The following LRIG1 variants were observed in gnomAD, a reference collection of about 807,000 sequenced individuals.
LRIG1 encodes the protein leucine-rich repeats and immunoglobulin-like domains protein 1.
LRIG1 carries 48 observed loss-of-function variants against 99.2 expected under a neutral mutation model. The ratio of observed to expected loss-of-function variants is 0.48; its 90% CI spans 0.38 to 0.62. LRIG1 has a LOEUF of 0.62. Among genes scored for constraint, LRIG1 ranks in the 20% least tolerant of loss-of-function variants. The pLI, the probability that LRIG1 is intolerant of heterozygous loss-of-function variation, is 0.00. For synonymous variants in LRIG1, 772 were observed against 596.1 expected (o/e 1.29, Z -4.30); for missense variants, 1,646 against 1,434.4 (o/e 1.15, Z -2.38).
intron 5 of LRIG1, among the ~76,000 whole-genome samples, chr3:66,413,526 T>C (rs1702533176): frequency 6.6e-6 from 1 of 152,154 alleles, no homozygotes; most frequent in Non-Finnish European, 1.5e-5. Context: ...GGAGAGAAGT[T>C]ACTGCACATG....
Position 66,500,362 on chromosome 3 carries a change from G to T in LRIG1, c.46C>A (p.Pro16Thr). The part of the protein sequence containing the change: ...RGGLGAPRRS[P>T]CLLLLWLLLL... Reference sequence around the variant, plus strand: ...AGCAGCCAGAGAAGGAGAAGGCAAGGCGAGCGGCGCGGGGCCCCGAGCCCT... The same window carrying T: ...AGCAGCCAGAGAAGGAGAAGGCAAGTCGAGCGGCGCGGGGCCCCGAGCCCT... Residue 16 changes from proline (P) to threonine (T), a missense_variant, in exon 1 of 19, where the codon CCT becomes ACT. Physicochemically the swap from Pro to Thr is conservative, Grantham distance 38. Transcript: ENST00000273261. 6.7e-7 allele frequency: 1 copy of T among 1,489,176 alleles called. No individual in the cohort carries two copies. The allele number at this position is 1,489,176 out of a possible 1,614,324, so 92.2% of individuals were successfully genotyped here.
Position 66,386,075 on chromosome 3 carries a change from A to T in LRIG1, c.1695T>A (p.Arg565=), listed in dbSNP as rs1481185456. 6.2e-7 allele frequency: 1 copy of T among 1,614,152 alleles called. No individual in the cohort carries two copies. The highest frequency in any genetic ancestry group is 1.7e-5 in the Admixed American group (1 of 60,028). The change falls in exon 13 of 19, where the codon CGT becomes CGA. Residue 565 remains arginine (R), a synonymous_variant. Transcript: ENST00000273261. ...VMEYTTILHL[R]QVTFGHEGRY... is the part of the protein sequence containing the mutation. ...GGCCCTCGTGCCCGAAAGTGACCTG[A>T]CGGAGGTGCAGGATGGTGGTGTACT...
chr3:66,453,198 G>A lies in LRIG1; in HGVS notation c.291-1565C>T, dbSNP rs80096111. ...ATCAGAGCAAGAAAAACTAAGGTCGGGGACCTGCTGTCAATCAGGCAGCTT... is the reference window on the plus strand; with the variant it reads ...ATCAGAGCAAGAAAAACTAAGGTCGAGGACCTGCTGTCAATCAGGCAGCTT... On this transcript the variant is annotated intron_variant, in intron 2 of 18. Coordinates refer to ENST00000273261, the MANE Select transcript of LRIG1 (RefSeq NM_015541.3). Among the ~76,000 whole-genome samples the A allele has an allele frequency of 3.8e-3, 586 of 152,304 alleles. 5 individuals are homozygous for A. Among genetic ancestry groups the A allele is most frequent in the African/African-American group, 0.013 (560 of 41,544 alleles).
intron 1 of LRIG1, among the ~76,000 whole-genome samples, chr3:66,490,616 T>A (rs1256147587): frequency 6.7e-6 from 1 of 148,380 alleles, no homozygotes; most frequent in East Asian, 2.0e-4. Flanking sequence ...ATAGAATCTC[T>A]CAATACTAAG....
intron 1 of LRIG1, among the ~76,000 whole-genome samples, chr3:66,485,242 T>A (rs781045938): frequency 1.8e-4 from 28 of 152,074 alleles, no homozygotes; most frequent in Non-Finnish European, 3.8e-4. Flanking sequence ...ACATTCCTTT[T>A]CTTTTGAATG....
At chr3:66,382,692 C>A (rs990154841) in intron 15 of LRIG1, among the ~76,000 whole-genome samples, 1 of 152,216 alleles carries the variant, frequency 6.6e-6, no homozygotes, top group African/African-American at 2.4e-5. Context: ...CAACCTACTA[C>A]GTGGCAGCAG....
chr3:66,389,962 T>C (rs1217156116), intron 12 of LRIG1, among the ~76,000 whole-genome samples: 1 of 152,198 alleles, frequency 6.6e-6, no homozygotes, highest in Non-Finnish European at 1.5e-5. Flanking sequence ...TTTTACATTA[T>C]TAATTGAAGA....
intron 3 of LRIG1, among the ~76,000 whole-genome samples, chr3:66,438,189 G>A (rs1471990419): frequency 3.3e-5 from 5 of 152,154 alleles, no homozygotes; most frequent in Non-Finnish European, 5.9e-5. Context: ...CGGACCCGAA[G>A]GGCCTGCTAG....
chr3:66,385,815 G>A (rs574445252), intron 13 of LRIG1, among the ~76,000 whole-genome samples, 166 bp downstream of exon 13: 11 of 152,292 alleles, frequency 7.2e-5, no homozygotes, highest in South Asian at 2.1e-4. Flanking sequence ...CTTGAAATCT[G>A]CAAAACTTGC....
chr3:66,471,693 A>T (rs1163582564), intron 1 of LRIG1, among the ~76,000 whole-genome samples: 1 of 152,198 alleles, frequency 6.6e-6, no homozygotes, highest in African/African-American at 2.4e-5. Flanking sequence ...CAGAAAACGG[A>T]GACTTTTGCT....
At position 66,380,180 on chromosome 3, in the gene LRIG1, G is replaced by T. The variant is rs987995754; in HGVS notation, c.*83C>A. ...TTACAACTATGTACAGATGAGTGAC[G>T]CTTGAACCCAAGCTTCCTCGCAGCC... On this transcript the variant is annotated 3_prime_UTR_variant, in exon 19 of 19. Coordinates refer to ENST00000273261, the MANE Select transcript of LRIG1 (RefSeq NM_015541.3). The T allele has an allele frequency of 1.7e-6, 2 of 1,146,304 alleles. No homozygotes were observed. Among genetic ancestry groups the T allele is most frequent in the Non-Finnish European group, 2.5e-6 (2 of 804,390 alleles). 71.0% of individuals were successfully genotyped at this position (1,146,304 alleles called of 1,614,324 possible). A position where few individuals can be genotyped will look rare whatever the true frequency, so the allele number is the denominator to read the frequency against.
intron 3 of LRIG1, among the ~76,000 whole-genome samples, chr3:66,448,491 T>G (rs1289044065): frequency 1.3e-5 from 2 of 152,218 alleles, no homozygotes; most frequent in African/African-American, 4.8e-5. Context: ...TTTGTGACAT[T>G]ATTGCCCCTA....
intron 1 of LRIG1, among the ~76,000 whole-genome samples, chr3:66,492,734 C>CAA (rs1181825636): frequency 6.6e-6 from 1 of 152,104 alleles, no homozygotes; most frequent in African/African-American, 2.4e-5. Context: ...ATAAGGAAAC[C>CAA]AAAATGTATT....
rs115826701 is a variant in LRIG1, at chr3:66,456,998, G to A, written c.291-5365C>T. ...GCAGTGAAGACCGTGTGGCTTGGACGCAGCTGCACAAGCGTCCTCATGTCC... is the reference window on the plus strand; with the variant it reads ...GCAGTGAAGACCGTGTGGCTTGGACACAGCTGCACAAGCGTCCTCATGTCC... On this transcript the variant is annotated intron_variant, in intron 2 of 18. Coordinates refer to ENST00000273261, the MANE Select transcript of LRIG1 (RefSeq NM_015541.3). Among the ~76,000 whole-genome samples the A allele has an allele frequency of 3.6e-3, 549 of 152,290 alleles. 6 individuals are homozygous for A. The highest frequency in any genetic ancestry group is 0.012 in the African/African-American group (515 of 41,562).
Position 66,379,870 on chromosome 3 carries a change from A to AAATT in LRIG1, c.*389_*392dup, listed in dbSNP as rs1456438907. On this transcript the variant is annotated 3_prime_UTR_variant, in exon 19 of 19. Coordinates refer to ENST00000273261, the MANE Select transcript of LRIG1 (RefSeq NM_015541.3). ...GAACAAATGTGGTTGTAGCCTCTATAAATTCCAGCCATGCGTTAAGGCACC... is the reference window on the plus strand; with the variant it reads ...GAACAAATGTGGTTGTAGCCTCTATAAATTAATTCCAGCCATGCGTTAAGGCACC... The AAATT allele has an allele frequency of 5.8e-6, 1 of 173,508 alleles. No homozygotes were observed. 10.7% of individuals were successfully genotyped at this position (173,508 alleles called of 1,614,324 possible).
intron 6 of LRIG1, among the ~76,000 whole-genome samples, chr3:66,411,331 T>C (rs895971829): frequency 5.3e-5 from 8 of 152,220 alleles, no homozygotes; most frequent in Middle Eastern, 3.2e-3. Context: ...GCACTTAATG[T>C]ATAAATAACC....
intron 3 of LRIG1, among the ~76,000 whole-genome samples, chr3:66,422,263 T>C (rs1702843576): frequency 6.6e-6 from 1 of 152,190 alleles, no homozygotes; most frequent in Non-Finnish European, 1.5e-5. Flanking sequence ...CCTCAGAAAA[T>C]GGGATTTTCT....
chr3:66,500,180 C>A lies in LRIG1; in HGVS notation c.218+10G>T, dbSNP rs1171530092. 2.6e-6 allele frequency: 4 copies of A among 1,512,812 alleles called. No individual in the cohort carries two copies. The Admixed American group carries it at 8.1e-5, about 31-fold the overall frequency. 93.7% of individuals were successfully genotyped at this position (1,512,812 alleles called of 1,614,324 possible). A position where few individuals can be genotyped will look rare whatever the true frequency, so the allele number is the denominator to read the frequency against. Reference sequence around the variant, plus strand: ...CGGGGCGCAGAGAGGGCGGAAAGGGCGGCACTCACAGGCTCCGCGTCCAGG... The same window carrying A: ...CGGGGCGCAGAGAGGGCGGAAAGGGAGGCACTCACAGGCTCCGCGTCCAGG... On this transcript the variant is annotated intron_variant, in intron 1 of 18. Coordinates refer to ENST00000273261, the MANE Select transcript of LRIG1 (RefSeq NM_015541.3).
chr3:66,499,726 TG>T (rs1164561715), intron 1 of LRIG1, among the ~76,000 whole-genome samples: 1 of 152,066 alleles, frequency 6.6e-6, no homozygotes, highest in Non-Finnish European at 1.5e-5. Flanking sequence ...CATTACCCAC[TG>T]GAAGACCAAG....
Sources: allele counts gnomAD v4.1 joint callset (sites outside exome capture counted in the v4.1 genomes callset), GRCh38; gene constraint gnomAD v4.1.1; transcripts MANE v1.5; gene names NCBI Gene and HGNC (gene_info 2026-07-23, HGNC 2026-07-21).